PKD1L3: variants seen among roughly 807,000 people sequenced by gnomAD.
PKD1L3 encodes the protein polycystin-1-like protein 3.
A neutral mutation model predicts 184.1 loss-of-function variants in PKD1L3; 239 were observed. That is an observed-to-expected ratio of 1.30 (90% CI 1.17 to 1.45). The LOEUF (loss-of-function observed/expected upper bound fraction) is 1.45. Ranked by LOEUF, PKD1L3 falls within the 40% of genes most tolerant of loss-of-function variation. The pLI is 0.00. For missense variants in PKD1L3, 2,660 were observed against 2,067.2 expected (o/e 1.29, Z -5.56); for synonymous variants, 996 against 778.8 (o/e 1.28, Z -4.64).
At chr16:71,983,914 C>A in intron 6 of PKD1L3, 122 bp downstream of exon 6, 1 of 1,321,770 alleles carries the variant, frequency 7.6e-7, no homozygotes, top group Non-Finnish European at 1.0e-6. Flanking sequence ...CCGCCCGCCT[C>A]GGCCTTCTAA....
intron 11 of PKD1L3, among the ~76,000 whole-genome samples, chr16:71,974,403 G>A (rs1168687267): frequency 1.3e-5 from 2 of 152,210 alleles, no homozygotes; most frequent in African/African-American, 4.8e-5. Context: ...TCCATGGCCA[G>A]GCGCAGTGGC....
At chr16:71,934,483 CAG>C (rs2038106221) in intron 26 of PKD1L3, among the ~76,000 whole-genome samples, 1 of 152,176 alleles carries the variant, frequency 6.6e-6, no homozygotes, top group Non-Finnish European at 1.5e-5. Flanking sequence ...TAACTCAGCC[CAG>C]AGAGAGGAGC....
chr16:71,942,946 G>C lies in PKD1L3; in HGVS notation c.3938C>G (p.Ala1313Gly). 6.4e-7 allele frequency: 1 copy of C among 1,551,550 alleles called. No individual in the cohort carries two copies. Among genetic ancestry groups the C allele is most frequent in the Middle Eastern group, 1.7e-4 (1 of 5,992 alleles). The change falls in exon 24 of 30, where the codon GCT becomes GGT. Residue 1313 changes from alanine (A) to glycine (G), a missense_variant. Coordinates refer to ENST00000620267, the MANE Select transcript of PKD1L3 (RefSeq NM_181536.2). ...KNSNRFYLHQAIWKTFSHQFS... is the reference protein window; with the variant it reads ...KNSNRFYLHQGIWKTFSHQFS... ...CTGGTGCGAAAATGTCTTCCAGATAGCTTGGTGGAGGTAAAATCTATTGGA... is the reference window on the plus strand; with the variant it reads ...CTGGTGCGAAAATGTCTTCCAGATACCTTGGTGGAGGTAAAATCTATTGGA...
At position 71,934,126 on chromosome 16, in the gene PKD1L3, C is replaced by G. The variant is rs1326298934; in HGVS notation, c.4614-1G>C. 6.4e-7 allele frequency: 1 copy of G among 1,551,792 alleles called. No individual in the cohort carries two copies. The highest frequency in any genetic ancestry group is 1.4e-5 in the African/African-American group (1 of 73,160). Reference sequence around the variant, plus strand: ...TACTGCCTCATAGAAGCTGATGAATCTGCACCAAGGAAAGCTGACAGTTAC... The same window carrying G: ...TACTGCCTCATAGAAGCTGATGAATGTGCACCAAGGAAAGCTGACAGTTAC... On this transcript the variant is annotated splice_acceptor_variant, in intron 26 of 29. Coordinates refer to ENST00000620267, the MANE Select transcript of PKD1L3 (RefSeq NM_181536.2). LOFTEE classifies it high-confidence loss of function.
chr16:71,987,247 T>C (rs1351176375), intron 4 of PKD1L3, among the ~76,000 whole-genome samples: 1 of 146,306 alleles, frequency 6.8e-6, no homozygotes, highest in African/African-American at 2.5e-5. Context: ...TTGAGACTGG[T>C]TGTCACTCTG....
At chr16:71,994,062 G>A (rs1404642323) in intron 2 of PKD1L3, among the ~76,000 whole-genome samples, 1 of 152,178 alleles carries the variant, frequency 6.6e-6, no homozygotes, top group African/African-American at 2.4e-5. Flanking sequence ...GAGCCACCAC[G>A]CCCGTCTGGC....
At chr16:71,958,931 C>G (rs992584420) in intron 16 of PKD1L3, among the ~76,000 whole-genome samples, 1 of 147,724 alleles carries the variant, frequency 6.8e-6, no homozygotes, top group Non-Finnish European at 1.5e-5. Context: ...TAATAAAATA[C>G]AAAAAATTAG....
At chr16:71,949,191 TTTAAG>T (rs1216363760) in intron 21 of PKD1L3, among the ~76,000 whole-genome samples, 1 of 152,096 alleles carries the variant, frequency 6.6e-6, no homozygotes, top group Non-Finnish European at 1.5e-5. Flanking sequence ...TTAAAAACAT[TTTAAG>T]TTTTTTGTTG....
At chr16:71,955,147 C>T (rs1247211795) in intron 16 of PKD1L3, among the ~76,000 whole-genome samples, 1 of 152,122 alleles carries the variant, frequency 6.6e-6, no homozygotes, top group African/African-American at 2.4e-5. Flanking sequence ...AAAATAGGAG[C>T]TCCAAGGTCC....
intron 2 of PKD1L3, among the ~76,000 whole-genome samples, chr16:71,996,950 GAT>G (rs1491440838): frequency 2.2e-5 from 2 of 91,622 alleles, no homozygotes; most frequent in Non-Finnish European, 3.9e-5. Context: ...AAATTGCTTT[GAT>G]TTTTTTTTTT....
intron 16 of PKD1L3, among the ~76,000 whole-genome samples, chr16:71,956,652 G>T (rs1268749957): frequency 5.3e-5 from 8 of 152,264 alleles, no homozygotes; most frequent in Admixed American, 2.0e-4. Flanking sequence ...AAGAATAGTT[G>T]CCAAGGGTTG....
chr16:71,930,140 G>C lies in PKD1L3; in HGVS notation c.4970C>G (p.Thr1657Ser). The C allele has an allele frequency of 6.4e-7, 1 of 1,551,624 alleles. No homozygotes were observed. The change falls in exon 29 of 30, where the codon ACC becomes AGC. Residue 1657 changes from threonine (T) to serine (S), a missense_variant. By Grantham distance (58) the Thr-to-Ser change is moderately conservative. Coordinates refer to ENST00000620267, the MANE Select transcript of PKD1L3 (RefSeq NM_181536.2). The part of the protein sequence containing the change: ...DPVLGTFLIL[T>S]SVILMVLVVI... ...CACAAGTACCATCAAGATGACACTG[G>C]TGAGGATCAGAAAGGTGCCCAGGAC...
At chr16:71,934,431 C>T (rs1463606327) in intron 26 of PKD1L3, among the ~76,000 whole-genome samples, 2 of 152,172 alleles carry the variant, frequency 1.3e-5, no homozygotes, top group East Asian at 3.9e-4. Flanking sequence ...AAACCAGCCT[C>T]CTGCACTGCT....
chr16:71,978,721 G>A (rs1295862046), intron 9 of PKD1L3, among the ~76,000 whole-genome samples: 1 of 151,438 alleles, frequency 6.6e-6, no homozygotes, highest in African/African-American at 2.4e-5. Flanking sequence ...TGTATTTTTA[G>A]TAGAGACAGG....
intron 4 of PKD1L3, among the ~76,000 whole-genome samples, chr16:71,989,903 C>T (rs1410599283): frequency 6.6e-6 from 1 of 151,912 alleles, no homozygotes; most frequent in Non-Finnish European, 1.5e-5. Context: ...AGCAAAACTC[C>T]ATCTCTACTA....
At chr16:71,944,364 T>C (rs2038477885) in intron 22 of PKD1L3, among the ~76,000 whole-genome samples, 194 bp from the exon 23 acceptor site, 1 of 152,182 alleles carries the variant, frequency 6.6e-6, no homozygotes, top group East Asian at 1.9e-4. Context: ...TGGGGACTGA[T>C]ACTTTTGTAC....
At chr16:71,969,809 T>G in intron 13 of PKD1L3, 66 bp downstream of exon 13, 1 of 1,403,740 alleles carries the variant, frequency 7.1e-7, no homozygotes, top group South Asian at 1.4e-5. Context: ...GAAGGTGTTT[T>G]TTCCTTCATC....
intron 21 of PKD1L3, among the ~76,000 whole-genome samples, 156 bp from the exon 22 acceptor site, chr16:71,947,747 G>C (rs975439070): frequency 2.0e-5 from 3 of 152,156 alleles, no homozygotes; most frequent in Non-Finnish European, 4.4e-5. Context: ...TTTGCACAAT[G>C]ATGGGTACCA....
intron 16 of PKD1L3, among the ~76,000 whole-genome samples, chr16:71,957,374 C>A (rs1235958639): frequency 6.6e-6 from 1 of 151,980 alleles, no homozygotes; most frequent in Non-Finnish European, 1.5e-5. Flanking sequence ...GTAATTATAT[C>A]AAATGTAAAT....
Sources: allele counts gnomAD v4.1 joint callset (sites outside exome capture counted in the v4.1 genomes callset), GRCh38; gene constraint gnomAD v4.1.1; transcripts MANE v1.5; gene names NCBI Gene and HGNC (gene_info 2026-07-23, HGNC 2026-07-21).